The following SPAG6 variants were observed in gnomAD, a reference collection of about 807,000 sequenced individuals.
SPAG6 encodes sperm-associated antigen 6.
SPAG6 carries 49 observed loss-of-function variants against 58.5 expected under a neutral mutation model. That is an observed-to-expected ratio of 0.84 (90% CI 0.67 to 1.06). SPAG6 has a LOEUF of 1.06. Among genes scored for constraint, SPAG6 ranks in the 50% least tolerant of loss-of-function variants. The pLI is 0.00. For synonymous variants in SPAG6, 233 were observed against 225.6 expected, an observed-to-expected ratio of 1.03 and a Z score of -0.29; for missense variants, 560 against 611.3, an observed-to-expected ratio of 0.92 and a Z score of 0.89.
At chr10:22,354,373 T>A (rs1836809535) in intron 2 of SPAG6, among the ~76,000 whole-genome samples, 1 of 152,134 alleles carries the variant, frequency 6.6e-6, no homozygotes, top group African/African-American at 2.4e-5. Flanking sequence ...GCACCATTCA[T>A]CTGTAGAGAA....
intron 2 of SPAG6, chr10:22,360,922 A>C: frequency 1.1e-6 from 1 of 901,884 alleles, no homozygotes; most frequent in Admixed American, 2.1e-5. Flanking sequence ...CATTGTCACC[A>C]TTTTTATGCA....
At chr10:22,406,417 G>C (rs900602828) in intron 9 of SPAG6, among the ~76,000 whole-genome samples, 6 of 152,248 alleles carry the variant, frequency 3.9e-5, no homozygotes, top group Non-Finnish European at 7.4e-5. Flanking sequence ...TTCAGGAGCA[G>C]GTTGTTCAGT....
chr10:22,398,052 C>T (rs1834335264), intron 8 of SPAG6, among the ~76,000 whole-genome samples: 1 of 152,182 alleles, frequency 6.6e-6, no homozygotes, highest in South Asian at 2.1e-4. Flanking sequence ...TACAGAAAGA[C>T]ATATGTATGT....
At chr10:22,348,100 C>T (rs918161756) in intron 2 of SPAG6, among the ~76,000 whole-genome samples, 4 of 152,266 alleles carry the variant, frequency 2.6e-5, no homozygotes, top group African/African-American at 9.6e-5. Context: ...AAGCGATTCT[C>T]CTGCCTCAGC....
intron 4 of SPAG6, among the ~76,000 whole-genome samples, chr10:22,370,844 G>A (rs1833667773): frequency 6.6e-6 from 1 of 152,128 alleles, no homozygotes; most frequent in Admixed American, 6.5e-5. Flanking sequence ...AACTACATGA[G>A]TATATTTAGT....
At chr10:22,371,775 A>G (rs962613813) in intron 4 of SPAG6, among the ~76,000 whole-genome samples, 1 of 152,226 alleles carries the variant, frequency 6.6e-6, no homozygotes, top group African/African-American at 2.4e-5. Context: ...ATAAGCATAG[A>G]GAGAAGCCGA....
At chr10:22,413,116 C>A (rs2130650841) in intron 10 of SPAG6, 1 of 137,740 alleles carries the variant, frequency 7.3e-6, no homozygotes, top group African/African-American at 2.9e-5. Context: ...GAATGAATGA[C>A]CTATTAGAAT....
intron 4 of SPAG6, among the ~76,000 whole-genome samples, chr10:22,376,051 AG>A: frequency 6.6e-6 from 1 of 152,308 alleles, no homozygotes; most frequent in Non-Finnish European, 1.5e-5. Flanking sequence ...GTGCACATTG[AG>A]GAGCTACATT....
At chr10:22,361,611 A>G (rs10437407) in intron 2 of SPAG6, among the ~76,000 whole-genome samples, 8,598 of 152,132 alleles carry the variant, frequency 0.057, 821 homozygotes, top group African/African-American at 0.2. Context: ...CAGAAGAATC[A>G]CTGGAACCTG....
intron 4 of SPAG6, among the ~76,000 whole-genome samples, chr10:22,380,210 G>A (rs1321332143): frequency 6.6e-6 from 1 of 152,168 alleles, no homozygotes; most frequent in African/African-American, 2.4e-5. Flanking sequence ...ACCCAATCAT[G>A]AAAAATTTGG....
intron 10 of SPAG6, among the ~76,000 whole-genome samples, chr10:22,413,765 T>C (rs1380472445): frequency 6.6e-6 from 1 of 151,514 alleles, no homozygotes; most frequent in African/African-American, 2.4e-5. Context: ...CATTAGGTTC[T>C]ATAAAATCGT....
At chr10:22,358,081 G>A (rs1463239010) in intron 2 of SPAG6, among the ~76,000 whole-genome samples, 2 of 151,856 alleles carry the variant, frequency 1.3e-5, no homozygotes, top group African/African-American at 4.8e-5. Flanking sequence ...ATGATTTATA[G>A]TCCTTTGGGT....
intron 10 of SPAG6, chr10:22,411,699 TA>T (rs1834739263): frequency 6.6e-6 from 1 of 152,178 alleles, no homozygotes; most frequent in South Asian, 2.1e-4. Context: ...TCAGGATTAA[TA>T]AAAAAGATTC....
intron 6 of SPAG6, 150 bp from the exon 7 acceptor site, chr10:22,389,010 A>T: frequency 1.6e-6 from 1 of 626,776 alleles, no homozygotes; most frequent in Non-Finnish European, 2.6e-6. Flanking sequence ...TTGTACTTGT[A>T]TATTTCTTTA....
At chr10:22,369,819 G>A (rs1013134353) in intron 4 of SPAG6, among the ~76,000 whole-genome samples, 4 of 152,170 alleles carry the variant, frequency 2.6e-5, no homozygotes, top group Admixed American at 1.3e-4. Context: ...ACGATATGAC[G>A]TGTGCACATT....
chr10:22,387,845 G>A lies in SPAG6; in HGVS notation c.701G>A (p.Ser234Asn), dbSNP rs775802999. ...KLKHQILSAL[S>N]QVSKHSVDLA... Reference sequence around the variant, plus strand: ...CAGCATCAGATCCTTTCAGCTCTCAGTCAGGTTTCAAAACATTCCGTGGAT... The same window carrying A: ...CAGCATCAGATCCTTTCAGCTCTCAATCAGGTTTCAAAACATTCCGTGGAT... Residue 234 changes from serine to asparagine, a missense_variant, in exon 6 of 11, where the codon AGT becomes AAT. Transcript: ENST00000376624. The A allele has an allele frequency of 6.2e-7, 1 of 1,612,106 alleles. No individual in the cohort carries two copies.
chr10:22,407,121 A>C (rs961728998), intron 9 of SPAG6, among the ~76,000 whole-genome samples: 10 of 151,186 alleles, frequency 6.6e-5, no homozygotes, highest in South Asian at 2.1e-4. Flanking sequence ...TTAATTGAAG[A>C]ATTTAGTCCA....
intron 7 of SPAG6, among the ~76,000 whole-genome samples, chr10:22,390,609 A>T (rs1041347093): frequency 2.0e-5 from 3 of 152,208 alleles, no homozygotes. Context: ...TTTGTTATTC[A>T]TTATAATTGA....
chr10:22,385,415 G>A (rs1019121422), intron 4 of SPAG6, among the ~76,000 whole-genome samples: 3 of 152,188 alleles, frequency 2.0e-5, no homozygotes, highest in Middle Eastern at 6.8e-3. Context: ...TCTGCCTCTC[G>A]TTCTTGAGAT....
Sources: allele counts gnomAD v4.1 joint callset (sites outside exome capture counted in the v4.1 genomes callset), GRCh38; gene constraint gnomAD v4.1.1; transcripts MANE v1.5; gene names NCBI Gene and HGNC (gene_info 2026-07-23, HGNC 2026-07-21).